The following HDAC8 variants were observed in gnomAD, a reference collection of about 807,000 sequenced individuals.
HDAC8 encodes the protein histone deacetylase 8, also known as histone deacetylase-like 1.
HDAC8 carries 1 observed loss-of-function variant against 32.2 expected under a neutral mutation model. That is an observed-to-expected ratio of 0.03 (90% CI 0.01 to 0.15). The LOEUF (loss-of-function observed/expected upper bound fraction) is 0.15, where lower values mean the gene tolerates loss of function less well. Among genes scored for constraint, HDAC8 ranks in the 10% least tolerant of loss-of-function variants. The pLI is 1.00. For synonymous variants in HDAC8, 108 were observed against 113.9 expected (o/e 0.95, Z 0.33); for missense variants, 117 against 300.0 (o/e 0.39, Z 4.51).
At position 72,488,920 on chromosome X, in the gene HDAC8, G is replaced by A. The variant is rs782253919; in HGVS notation, c.737+13C>T. 10 of 1,066,472 alleles carry A rather than the reference G, an allele frequency of 9.4e-6. No homozygotes were observed. The South Asian group carries it at 2.1e-4, about 23-fold the overall frequency. 87.9% of individuals were successfully genotyped at this position (1,066,472 alleles called of 1,213,427 possible). On this transcript the variant is annotated intron_variant, in intron 7 of 10. Transcript: ENST00000373573. ...TGCAATCCACTTATTACTGGCTAGT[G>A]TTACTGCCATACCTTTCACAGATCT...
At chrX:72,524,905 T>C (rs1428511229) in intron 4 of HDAC8, among the ~76,000 whole-genome samples, 1 of 111,733 alleles carries the variant, frequency 8.9e-6, no homozygotes, top group Admixed American at 9.5e-5. Flanking sequence ...TGATACATTA[T>C]ACCACCAGCC....
intron 4 of HDAC8, among the ~76,000 whole-genome samples, chrX:72,525,813 CAAAAAAAAAAAAAA>C (rs57801277): frequency 9.3e-5 from 2 of 21,555 alleles, no homozygotes; most frequent in East Asian, 2.2e-3. Context: ...GACTCTGTCT[CAAAAAAAAAAAAAA>C]AAAAAAAAAA....
intron 9 of HDAC8, among the ~76,000 whole-genome samples, chrX:72,415,129 CTT>C (rs1244077193): frequency 2.7e-5 from 3 of 112,407 alleles, no homozygotes; most frequent in African/African-American, 9.7e-5. Context: ...TCTACTTACT[CTT>C]AAACTAAATT....
intron 9 of HDAC8, among the ~76,000 whole-genome samples, chrX:72,376,783 A>C (rs2045092907): frequency 9.0e-6 from 1 of 111,145 alleles, no homozygotes; most frequent in African/African-American, 3.3e-5. Flanking sequence ...TATTTTCTTA[A>C]GATGAAAGAT....
intron 9 of HDAC8, among the ~76,000 whole-genome samples, chrX:72,376,290 T>C (rs1555958084): frequency 8.9e-6 from 1 of 112,455 alleles, no homozygotes; most frequent in Admixed American, 9.4e-5. Context: ...GAGACATTTT[T>C]TTCTTAAGTC....
At chrX:72,386,400 A>G (rs1308096707) in intron 9 of HDAC8, among the ~76,000 whole-genome samples, 1 of 111,331 alleles carries the variant, frequency 9.0e-6, no homozygotes, top group Non-Finnish European at 1.9e-5. Flanking sequence ...TTGGGAGAGG[A>G]ATAGGACTGG....
chrX:72,445,427 T>G lies in HDAC8; in HGVS notation c.1005+16577A>C, dbSNP rs1454373083. Among the ~76,000 whole-genome samples the G allele has an allele frequency of 3.2e-4, 36 of 111,956 alleles. 1 individual carries two copies. The highest frequency in any genetic ancestry group is 1.0e-3 in the African/African-American group (31 of 30,797). On this transcript the variant is annotated intron_variant, in intron 9 of 10. Transcript: ENST00000373573. ...TGACAAACCTGACAAAAACAAGCAA[T>G]GGGGAAAGGATTCCCTATTTAATAA... is the stretch of plus-strand genomic sequence containing the variant.
chrX:72,388,693 C>A (rs782404939), intron 9 of HDAC8, among the ~76,000 whole-genome samples: 11 of 110,682 alleles, frequency 9.9e-5, no homozygotes, highest in Non-Finnish European at 2.1e-4. Flanking sequence ...GAAGCCCTAA[C>A]CCCTAATGTG....
chrX:72,488,186 G>A (rs1431674505), intron 7 of HDAC8, among the ~76,000 whole-genome samples: 1 of 111,596 alleles, frequency 9.0e-6, no homozygotes, highest in Non-Finnish European at 1.9e-5. Flanking sequence ...CCAGAGGTTG[G>A]GAGAAATACG....
intron 4 of HDAC8, among the ~76,000 whole-genome samples, chrX:72,539,168 G>A (rs782137103): frequency 3.6e-5 from 4 of 112,138 alleles, no homozygotes; most frequent in Admixed American, 9.4e-5. Flanking sequence ...GTTAACAATA[G>A]AGGAAACTGT....
At chrX:72,487,748 G>A (rs1264170665) in intron 7 of HDAC8, among the ~76,000 whole-genome samples, 2 of 104,779 alleles carry the variant, frequency 1.9e-5, no homozygotes, top group African/African-American at 7.3e-5. Context: ...AAAAAAAAAA[G>A]GGTAACAAAA....
chrX:72,433,662 C>T lies in HDAC8; in HGVS notation c.1005+28342G>A, dbSNP rs782113629. On this transcript the variant is annotated intron_variant, in intron 9 of 10. Coordinates refer to ENST00000373573, the MANE Select transcript of HDAC8 (RefSeq NM_018486.3). ...AGATTCTCAAAGGGGTCCATGGCCA[C>T]CCAAAAGATGAGAAACCACTTGTTT... Among the ~76,000 whole-genome samples the T allele has an allele frequency of 1.5e-3, 165 of 111,949 alleles. 4 individuals carry two copies. In the South Asian group the frequency reaches 0.034, roughly 23 times the overall value.
chrX:72,513,801 G>A (rs2049679754), intron 4 of HDAC8, among the ~76,000 whole-genome samples: 1 of 111,589 alleles, frequency 9.0e-6, no homozygotes, highest in Non-Finnish European at 1.9e-5. Context: ...TTTTAAAAAT[G>A]TACTGGTCAG....
At chrX:72,534,622 T>C (rs1473191679) in intron 4 of HDAC8, among the ~76,000 whole-genome samples, 1 of 111,631 alleles carries the variant, frequency 9.0e-6, no homozygotes, top group African/African-American at 3.3e-5. Flanking sequence ...AGCAATAAAT[T>C]TAGCAAAAGA....
intron 4 of HDAC8, among the ~76,000 whole-genome samples, chrX:72,499,424 C>T (rs1556014927): frequency 9.0e-6 from 1 of 111,324 alleles, no homozygotes; most frequent in East Asian, 2.8e-4. Flanking sequence ...TGAAATCATA[C>T]CACCAAATAC....
chrX:72,542,520 G>C (rs2050739471), intron 4 of HDAC8, among the ~76,000 whole-genome samples: 1 of 112,031 alleles, frequency 8.9e-6, no homozygotes. Context: ...AACTTTCCCA[G>C]AGAATGAGGC....
At chrX:72,394,160 A>G (rs782712967) in intron 9 of HDAC8, among the ~76,000 whole-genome samples, 1 of 111,988 alleles carries the variant, frequency 8.9e-6, no homozygotes, top group East Asian at 2.8e-4. Flanking sequence ...AGAAATAATA[A>G]TGGCATTTTG....
intron 4 of HDAC8, among the ~76,000 whole-genome samples, chrX:72,524,528 G>A (rs1224483519): frequency 2.7e-5 from 3 of 111,943 alleles, no homozygotes; most frequent in Non-Finnish European, 3.8e-5. Flanking sequence ...AGTGGGAGGT[G>A]CAGAGAAAGG....
intron 4 of HDAC8, among the ~76,000 whole-genome samples, chrX:72,559,226 C>T (rs1661996546): frequency 9.4e-6 from 1 of 106,668 alleles, no homozygotes; most frequent in African/African-American, 3.4e-5. Flanking sequence ...CGTGCTGCCA[C>T]GCCTGACTGG....
Sources: allele counts gnomAD v4.1 joint callset (sites outside exome capture counted in the v4.1 genomes callset), GRCh38; gene constraint gnomAD v4.1.1; transcripts MANE v1.5; gene names NCBI Gene and HGNC (gene_info 2026-07-23, HGNC 2026-07-21).